The following ADGRL2 variants were observed in gnomAD, a reference collection of about 807,000 sequenced individuals.
The protein encoded by ADGRL2 is adhesion G protein-coupled receptor L2.
ADGRL2 carries 44 observed loss-of-function variants against 157.4 expected under a neutral mutation model. That is an observed-to-expected ratio of 0.28 (90% CI 0.22 to 0.36). ADGRL2 has a LOEUF of 0.36. Ranked by LOEUF, ADGRL2 falls within the 10% of genes least tolerant of loss-of-function variation. The pLI is 1.00. For synonymous variants in ADGRL2, 585 were observed against 624.7 expected (o/e 0.94, Z 0.95); for missense variants, 1,510 against 1,768.9 (o/e 0.85, Z 2.63).
At chr1:81,834,897 A>T (rs142228218) in intron 1 of ADGRL2, among the ~76,000 whole-genome samples, 1 of 152,154 alleles carries the variant, frequency 6.6e-6, no homozygotes, top group Non-Finnish European at 1.5e-5. Context: ...AATTTTTAGT[A>T]TATAAAAATT....
At chr1:81,610,458 C>A (rs1159844133) in intron 3 of ADGRL2, among the ~76,000 whole-genome samples, 4 of 151,950 alleles carry the variant, frequency 2.6e-5, no homozygotes, top group Non-Finnish European at 5.9e-5. Context: ...CAGTGAGACA[C>A]CATCAGAAGG....
intron 3 of ADGRL2, among the ~76,000 whole-genome samples, chr1:81,678,293 T>C (rs933294187): frequency 1.3e-5 from 2 of 152,166 alleles, no homozygotes; most frequent in Non-Finnish European, 2.9e-5. Context: ...AAATCGATGG[T>C]GTTATAATGG....
At chr1:81,372,044 A>G (rs890096886) in intron 1 of ADGRL2, among the ~76,000 whole-genome samples, 4 of 152,318 alleles carry the variant, frequency 2.6e-5, no homozygotes, top group African/African-American at 7.2e-5. Context: ...TCCCGAGACC[A>G]GTAAGCTATG....
At chr1:81,804,229 C>T (rs1470090024) in intron 1 of ADGRL2, among the ~76,000 whole-genome samples, 1 of 152,132 alleles carries the variant, frequency 6.6e-6, no homozygotes, top group Non-Finnish European at 1.5e-5. Flanking sequence ...TTGTCTCTCC[C>T]TCCACCCTTC....
Position 81,365,662 on chromosome 1 carries a change from C to G in ADGRL2, c.-302+59153C>G, listed in dbSNP as rs180773809. Among the ~76,000 whole-genome samples the G allele has an allele frequency of 3.5e-3, 530 of 152,308 alleles. 2 individuals are homozygous for G. Among genetic ancestry groups the G allele is most frequent in the Middle Eastern group, 0.017 (5 of 294 alleles). On this transcript the variant is annotated intron_variant, in intron 1 of 24. Transcript: ENST00000370721. ...GTTGGGAAGGATAACGGAGGATCATCATTTAACAACCACCATACCCACAAG... is the reference window on the plus strand; with the variant it reads ...GTTGGGAAGGATAACGGAGGATCATGATTTAACAACCACCATACCCACAAG...
intron 3 of ADGRL2, among the ~76,000 whole-genome samples, chr1:81,916,833 G>GC (rs1191875153): frequency 2.0e-5 from 3 of 151,612 alleles, no homozygotes; most frequent in African/African-American, 7.3e-5. Context: ...AAAATGCCTA[G>GC]CTGTATTTAA....
At chr1:81,420,646 T>C (rs767486292) in intron 1 of ADGRL2, among the ~76,000 whole-genome samples, 4 of 152,206 alleles carry the variant, frequency 2.6e-5, no homozygotes, top group Admixed American at 6.5e-5. Context: ...AATCTTTATC[T>C]GGCATAATTA....
At chr1:81,711,314 A>G (rs2083920675) in intron 1 of ADGRL2, among the ~76,000 whole-genome samples, 1 of 152,218 alleles carries the variant, frequency 6.6e-6, no homozygotes. Context: ...CTGAATAACC[A>G]TCGTTTGTCT....
chr1:81,629,978 G>C (rs540888731), intron 3 of ADGRL2, among the ~76,000 whole-genome samples: 4 of 151,958 alleles, frequency 2.6e-5, no homozygotes, highest in African/African-American at 9.7e-5. Context: ...AAAACTGTGT[G>C]TGTGCGTACA....
intron 17 of ADGRL2, among the ~76,000 whole-genome samples, chr1:81,979,325 A>C (rs1661020482): frequency 6.6e-6 from 1 of 151,884 alleles, no homozygotes; most frequent in Non-Finnish European, 1.5e-5. Context: ...TTAAATGGCA[A>C]AACATACCTA....
rs1557458798 is a variant in ADGRL2, at chr1:81,557,471, A to AAGAAAG, written c.-247-23404_-247-23403insGAAAGA. The AAGAAAG allele has an allele frequency of 2.2e-4, 20 of 92,792 alleles. 1 individual carries two copies. The highest frequency in any genetic ancestry group is 8.5e-4 in the African/African-American group (17 of 20,064). 5.7% of individuals were successfully genotyped at this position (92,792 alleles called of 1,614,324 possible). A position where few individuals can be genotyped will look rare whatever the true frequency, so the allele number is the denominator to read the frequency against. ...AGAGAGAAAGAAAGAAAGAAAGAAG[A>AAGAAAG]AAGAAAGAAAGAAGAAAGAAAGAAA... On this transcript the variant is annotated intron_variant, in intron 2 of 24. Transcript: ENST00000370721.
chr1:81,383,808 C>CAAAAAAAAAA (rs56660027), intron 1 of ADGRL2, among the ~76,000 whole-genome samples: 27 of 104,200 alleles, frequency 2.6e-4, no homozygotes, highest in Middle Eastern at 5.3e-3. Context: ...ACTAAAAATA[C>CAAAAAAAAAA]AAAAAAAAAA....
intron 3 of ADGRL2, among the ~76,000 whole-genome samples, chr1:81,593,447 T>G (rs1307646514): frequency 6.6e-6 from 1 of 152,164 alleles, no homozygotes; most frequent in Non-Finnish European, 1.5e-5. Context: ...ATGAGATCAC[T>G]GTGGGAAAAA....
intron 2 of ADGRL2, among the ~76,000 whole-genome samples, chr1:81,765,724 T>C (rs2086094416): frequency 6.6e-6 from 1 of 152,082 alleles, no homozygotes; most frequent in African/African-American, 2.4e-5. Flanking sequence ...TCATGATATA[T>C]ACACGTCAAT....
At chr1:81,485,994 G>GA (rs2078492147) in intron 2 of ADGRL2, among the ~76,000 whole-genome samples, 1 of 151,870 alleles carries the variant, frequency 6.6e-6, no homozygotes, top group South Asian at 2.1e-4. Context: ...AACTTCAAAA[G>GA]TTTTTTTTAT....
Position 81,417,520 on chromosome 1 carries a change from T to C in ADGRL2, c.-301-27516T>C, listed in dbSNP as rs150756072. ...ATATTAGTAATACTTTACTTCTACC[T>C]TTTTGGAATGGATTATTTCTCTGTA... On this transcript the variant is annotated intron_variant, in intron 1 of 24. Transcript: ENST00000370721. Among the ~76,000 whole-genome samples, 68 of 152,314 alleles carry C rather than the reference T, an allele frequency of 4.5e-4. No individual in the cohort carries two copies. The Middle Eastern group carries it at 0.02, about 46-fold the overall frequency.
In ADGRL2 at chr1:81,991,242, T is replaced by A; in HGVS notation, c.*97T>A. The A allele has an allele frequency of 8.8e-7, 1 of 1,138,702 alleles. No homozygotes were observed. The highest frequency in any genetic ancestry group is 2.4e-5 in the East Asian group (1 of 41,978). The allele number at this position is 1,138,702 out of a possible 1,614,324, so 70.5% of individuals were successfully genotyped here. On this transcript the variant is annotated 3_prime_UTR_variant, in exon 24 of 24. Coordinates refer to ENST00000686636, the MANE Select transcript of ADGRL2 (RefSeq NM_001366006.2). The stretch of plus-strand genomic sequence containing the variant: ...CTCCCTCAAACTCTGCTTGAAGAGA[T>A]GACTCTTGACCTGTGGTTCTCTGGT...
chr1:81,864,323 G>A (rs1037489117), intron 2 of ADGRL2, among the ~76,000 whole-genome samples: 15 of 151,538 alleles, frequency 9.9e-5, no homozygotes, highest in Admixed American at 8.6e-4. Flanking sequence ...ATATCAGTTG[G>A]CAAATACGTA....
chr1:81,499,872 G>C (rs565744224), intron 2 of ADGRL2, among the ~76,000 whole-genome samples: 2 of 151,868 alleles, frequency 1.3e-5, no homozygotes, highest in Non-Finnish European at 2.9e-5. Context: ...GAATGATAGT[G>C]ATACATTTTA....
Sources: allele counts gnomAD v4.1 joint callset (sites outside exome capture counted in the v4.1 genomes callset), GRCh38; gene constraint gnomAD v4.1.1; transcripts MANE v1.5; gene names NCBI Gene and HGNC (gene_info 2026-07-23, HGNC 2026-07-21).